The following GPC6 variants were observed in gnomAD, a reference collection of about 807,000 sequenced individuals.
GPC6 encodes the protein glypican 6.
GPC6 carries 14 observed loss-of-function variants against 55.2 expected under a neutral mutation model. The ratio of observed to expected loss-of-function variants is 0.25; its 90% confidence interval spans 0.17 to 0.40. The LOEUF is 0.40. Ranked by LOEUF, GPC6 falls within the 10% of genes least tolerant of loss-of-function variation. GPC6 has a pLI of 1.00. For missense variants in GPC6, 641 were observed against 708.5 expected (o/e 0.90, Z 1.08); for synonymous variants, 278 against 259.6 (o/e 1.07, Z -0.68).
intron 2 of GPC6, among the ~76,000 whole-genome samples, chr13:93,594,725 A>T (rs1877649336): frequency 6.6e-6 from 1 of 151,912 alleles, no homozygotes; most frequent in Non-Finnish European, 1.5e-5. Flanking sequence ...AGAAGCTGGC[A>T]AGTCCAATAT....
intron 2 of GPC6, among the ~76,000 whole-genome samples, chr13:93,722,861 C>T (rs1218244431): frequency 6.6e-6 from 1 of 151,796 alleles, no homozygotes; most frequent in Non-Finnish European, 1.5e-5. Flanking sequence ...CCATCATTGC[C>T]TGTCCCTCTT....
rs553848060 is a variant in GPC6, at chr13:93,904,286, C to G, written c.711+73741C>G. Among the ~76,000 whole-genome samples the G allele has an allele frequency of 1.1e-4, 16 of 152,230 alleles. 1 individual carries two copies. The South Asian group carries it at 3.1e-3, about 30-fold the overall frequency. On this transcript the variant is annotated intron_variant, in intron 3 of 8. Coordinates refer to ENST00000377047, the MANE Select transcript of GPC6 (RefSeq NM_005708.5). ...GAGTAGAACTGTAGACAAAAACAAG[C>G]CTTACAAATCGCAACTGCAGCTGCA...
At chr13:93,461,306 A>G (rs970638391) in intron 1 of GPC6, among the ~76,000 whole-genome samples, 1 of 152,172 alleles carries the variant, frequency 6.6e-6, no homozygotes, top group African/African-American at 2.4e-5. Flanking sequence ...ATTATTTAGG[A>G]ATATGGTTTT....
chr13:93,643,420 G>C (rs1880043993), intron 2 of GPC6, among the ~76,000 whole-genome samples: 1 of 152,070 alleles, frequency 6.6e-6, no homozygotes, highest in East Asian at 1.9e-4. Flanking sequence ...ATTTTTACAA[G>C]TACAAGGGAG....
intron 2 of GPC6, among the ~76,000 whole-genome samples, chr13:93,556,275 A>G (rs540074349): frequency 6.6e-6 from 1 of 151,870 alleles, no homozygotes; most frequent in African/African-American, 2.4e-5. Context: ...TTGGTAAAAT[A>G]CTTTTTAATT....
chr13:93,787,275 C>T (rs994649209), intron 2 of GPC6, among the ~76,000 whole-genome samples: 2 of 152,290 alleles, frequency 1.3e-5, no homozygotes, highest in African/African-American at 4.8e-5. Flanking sequence ...TTTCTCTGTA[C>T]AGAGCAGAGG....
In GPC6 at chr13:93,443,123, T is replaced by TA. The variant is rs1371331727; in HGVS notation, c.161-102139dup. 2.0e-5 allele frequency among the ~76,000 whole-genome samples: 3 copies of TA among 152,340 alleles called. No individual in the cohort carries two copies. The East Asian group carries it at 5.8e-4, about 29-fold the overall frequency. ...TTCTCAAAGTTCAACTGTTTATCCTTAGATAACTTGCCCATTTTCTTCTTT... is the reference window on the plus strand; with the variant it reads ...TTCTCAAAGTTCAACTGTTTATCCTTAAGATAACTTGCCCATTTTCTTCTTT... On this transcript the variant is annotated intron_variant, in intron 1 of 8. Transcript: ENST00000377047.
chr13:93,681,480 A>G (rs1881844074), intron 2 of GPC6, among the ~76,000 whole-genome samples: 1 of 152,202 alleles, frequency 6.6e-6, no homozygotes, highest in South Asian at 2.1e-4. Context: ...AAGAGCTGAC[A>G]ATAAAAACTA....
At chr13:93,239,158 G>C (rs1566536724) in intron 1 of GPC6, among the ~76,000 whole-genome samples, 3 of 151,816 alleles carry the variant, frequency 2.0e-5, no homozygotes, top group Admixed American at 1.3e-4. Context: ...TGGTAGGATT[G>C]GTATCACTTC....
At chr13:94,269,297 A>G (rs891676125) in intron 4 of GPC6, among the ~76,000 whole-genome samples, 2 of 152,170 alleles carry the variant, frequency 1.3e-5, no homozygotes, top group Non-Finnish European at 2.9e-5. Context: ...GCACAGCTAG[A>G]TAATGCTGTC....
rs1189194569 is a variant in GPC6 at position 93,851,249 on chromosome 13, A to G, written c.711+20704A>G. Reference sequence around the variant, plus strand: ...AGAGCCAGACATCTAAATCTACTATACTATGTTTTTGTATATGATTCATAA... The same window carrying G: ...AGAGCCAGACATCTAAATCTACTATGCTATGTTTTTGTATATGATTCATAA... On this transcript the variant is annotated intron_variant, in intron 3 of 8. Coordinates refer to ENST00000377047, the MANE Select transcript of GPC6 (RefSeq NM_005708.5). Among the ~76,000 whole-genome samples, 5 of 151,988 alleles carry G rather than the reference A, an allele frequency of 3.3e-5. No individual in the cohort carries two copies. In the East Asian group the frequency reaches 5.8e-4, roughly 18 times the overall value.
chr13:93,427,288 G>A (rs913808101), intron 1 of GPC6, among the ~76,000 whole-genome samples: 4 of 151,722 alleles, frequency 2.6e-5, no homozygotes, highest in South Asian at 4.2e-4. Flanking sequence ...AGCCTGCATC[G>A]CCAAGTCAAT....
intron 2 of GPC6, among the ~76,000 whole-genome samples, chr13:93,756,215 C>A (rs1884763683): frequency 6.6e-6 from 1 of 152,102 alleles, no homozygotes; most frequent in Admixed American, 6.6e-5. Flanking sequence ...TGGAGCAAGG[C>A]AGTTATTAAT....
At chr13:93,673,447 A>G (rs1029140959) in intron 2 of GPC6, among the ~76,000 whole-genome samples, 2 of 152,140 alleles carry the variant, frequency 1.3e-5, no homozygotes, top group African/African-American at 4.8e-5. Context: ...TGGAAGGTCA[A>G]AGCTACAGTG....
chr13:93,896,813 CTG>C (rs1488394256), intron 3 of GPC6, among the ~76,000 whole-genome samples: 1 of 151,900 alleles, frequency 6.6e-6, no homozygotes, highest in Non-Finnish European at 1.5e-5. Context: ...AACAGAAAAA[CTG>C]AGAATTTTCC....
At chr13:93,389,480 G>A (rs184925173) in intron 1 of GPC6, among the ~76,000 whole-genome samples, 2 of 148,364 alleles carry the variant, frequency 1.3e-5, no homozygotes, top group East Asian at 4.0e-4. Flanking sequence ...CTCCAGCTTG[G>A]GCAACAGAGC....
intron 1 of GPC6, among the ~76,000 whole-genome samples, chr13:93,413,651 A>G (rs1876593438): frequency 6.6e-6 from 1 of 151,668 alleles, no homozygotes; most frequent in Non-Finnish European, 1.5e-5. Flanking sequence ...ATATATTTGG[A>G]GAAATGCTAT....
At chr13:93,735,021 T>A (rs1388776085) in intron 2 of GPC6, among the ~76,000 whole-genome samples, 1 of 152,154 alleles carries the variant, frequency 6.6e-6, no homozygotes, top group Non-Finnish European at 1.5e-5. Flanking sequence ...TATAGCCTCT[T>A]ATTGCTGACA....
rs566093864 is a variant in GPC6, at chr13:93,419,968, A to C, written c.161-125295A>C. ...AAGGAAAGATTAATTGTTTAATTAC[A>C]GCTGAATAGGAGAATAAAGGTAACA... is the stretch of plus-strand genomic sequence containing the variant. On this transcript the variant is annotated intron_variant, in intron 1 of 8. Coordinates refer to ENST00000377047, the MANE Select transcript of GPC6 (RefSeq NM_005708.5). Among the ~76,000 whole-genome samples the C allele has an allele frequency of 3.2e-4, 48 of 152,278 alleles. No homozygotes were observed. The East Asian group carries it at 9.3e-3, about 29-fold the overall frequency.
Sources: gnomAD v4.1 joint callset for allele counts (sites outside exome capture counted in the v4.1 genomes callset) on GRCh38, gnomAD v4.1.1 for gene constraint, MANE v1.5 for transcripts, NCBI Gene and HGNC (gene_info 2026-07-23, HGNC 2026-07-21) for gene names.